MALRD1: variants seen among roughly 807,000 people sequenced by gnomAD.
MALRD1 encodes MAM and LDL receptor class A domain containing 1.
MALRD1 carries 247 observed loss-of-function variants against 242.1 expected under a neutral mutation model. The observed-to-expected ratio is 1.02, with a 90% CI of 0.92 to 1.13. MALRD1 has a LOEUF of 1.13. MALRD1 is among the 50% of genes most tolerant of loss of function. The pLI is 0.00. For synonymous variants in MALRD1, 995 were observed against 866.6 expected (o/e 1.15, Z -2.60); for missense variants, 2,989 against 2,533.1 (o/e 1.18, Z -3.86).
At chr10:19,453,730 G>T (rs1241288412) in intron 29 of MALRD1, among the ~76,000 whole-genome samples, 1 of 151,998 alleles carries the variant, frequency 6.6e-6, no homozygotes, top group Non-Finnish European at 1.5e-5. Context: ...AGAAAAATTA[G>T]CTGGGCGTTG....
intron 11 of MALRD1, among the ~76,000 whole-genome samples, chr10:19,153,494 T>C (rs1337908885): frequency 2.0e-5 from 3 of 152,076 alleles, no homozygotes; most frequent in South Asian, 4.1e-4. Context: ...GGCAGGAGGA[T>C]TGCTTGAGGC....
intron 33 of MALRD1, among the ~76,000 whole-genome samples, chr10:19,590,309 A>G (rs1009314204): frequency 2.0e-5 from 3 of 147,560 alleles, no homozygotes; most frequent in Non-Finnish European, 4.5e-5. Context: ...TATATATGTT[A>G]TATATGTATA....
intron 8 of MALRD1, among the ~76,000 whole-genome samples, chr10:19,129,776 TTTA>T (rs1257312109): frequency 6.7e-6 from 1 of 148,428 alleles, no homozygotes; most frequent in East Asian, 1.9e-4. Flanking sequence ...AAATAATATA[TTTA>T]TTATTTTATG....
At chr10:19,116,147 C>A (rs1233861876) in intron 5 of MALRD1, among the ~76,000 whole-genome samples, 1 of 151,954 alleles carries the variant, frequency 6.6e-6, no homozygotes, top group African/African-American at 2.4e-5. Context: ...AAAAATCAAG[C>A]CTTGCTATTG....
chr10:19,363,573 A>G (rs1844987934), intron 26 of MALRD1, among the ~76,000 whole-genome samples: 1 of 152,162 alleles, frequency 6.6e-6, no homozygotes. Context: ...TCCCTTGTCT[A>G]ATGACAAAAC....
chr10:19,548,567 T>G (rs1165340114), intron 32 of MALRD1, among the ~76,000 whole-genome samples: 1 of 152,194 alleles, frequency 6.6e-6, no homozygotes, highest in Non-Finnish European at 1.5e-5. Flanking sequence ...GTGCCCGGCC[T>G]CATTATATTT....
intron 38 of MALRD1, among the ~76,000 whole-genome samples, chr10:19,721,004 A>AG (rs200079888): frequency 0.023 from 3,430 of 152,140 alleles, 120 homozygotes; most frequent in African/African-American, 0.077. Flanking sequence ...CTATTTCCTT[A>AG]GGTTATAAAG....
At chr10:19,530,365 A>AT (rs1564417000) in intron 31 of MALRD1, among the ~76,000 whole-genome samples, 9 of 105,088 alleles carry the variant, frequency 8.6e-5, no homozygotes, top group African/African-American at 5.7e-4. Context: ...ATATTTATAT[A>AT]AATATTTATA....
At chr10:19,121,243 G>T (rs778292033) in intron 5 of MALRD1, among the ~76,000 whole-genome samples, 26 of 151,676 alleles carry the variant, frequency 1.7e-4, no homozygotes, top group Non-Finnish European at 2.1e-4. Flanking sequence ...GTTTCACCAT[G>T]TTGGCCAGGC....
intron 26 of MALRD1, among the ~76,000 whole-genome samples, chr10:19,383,465 G>A (rs908510117): frequency 1.3e-5 from 2 of 151,894 alleles, no homozygotes; most frequent in African/African-American, 2.4e-5. Context: ...TGGGCATATG[G>A]GTCATTCCAT....
intron 29 of MALRD1, among the ~76,000 whole-genome samples, chr10:19,471,825 G>A (rs1364866298): frequency 6.6e-6 from 1 of 151,360 alleles, no homozygotes; most frequent in South Asian, 2.1e-4. Context: ...TTTTCTTTGT[G>A]GATTCTTCAG....
intron 19 of MALRD1, among the ~76,000 whole-genome samples, chr10:19,273,790 TTGC>T (rs1208520450): frequency 6.6e-6 from 1 of 152,158 alleles, no homozygotes; most frequent in African/African-American, 2.4e-5. Flanking sequence ...GATACTGTAA[TTGC>T]TGATCTAAGT....
chr10:19,433,176 T>A (rs1834214182), intron 28 of MALRD1, among the ~76,000 whole-genome samples: 1 of 152,156 alleles, frequency 6.6e-6, no homozygotes, highest in South Asian at 2.1e-4. Flanking sequence ...TATATAAGTA[T>A]AGTAAGTGCT....
At chr10:19,538,196 C>A (rs1199959187) in intron 32 of MALRD1, among the ~76,000 whole-genome samples, 1 of 152,076 alleles carries the variant, frequency 6.6e-6, no homozygotes, top group African/African-American at 2.4e-5. Context: ...TTTATCTCAG[C>A]CTTCAAAGTA....
At position 19,358,195 on chromosome 10, in the gene MALRD1, AGTGTGTGT is replaced by A. The variant is rs776862926; in HGVS notation, c.4441+5927_4441+5934del. ...ATATATGCAATCAGGGCAGGAGTCA[AGTGTGTGT>A]GTGTGTGTGTGTGTGTGTGTGTGTG... On this transcript the variant is annotated intron_variant, in intron 26 of 39. Coordinates refer to ENST00000454679, the MANE Select transcript of MALRD1 (RefSeq NM_001142308.3). Among the ~76,000 whole-genome samples, 1,057 of 145,672 alleles carry A rather than the reference AGTGTGTGT, an allele frequency of 7.3e-3. 23 individuals carry two copies. The highest frequency in any genetic ancestry group is 0.026 in the African/African-American group (1,012 of 38,488).
At chr10:19,084,418 A>AT (rs951216486) in intron 2 of MALRD1, among the ~76,000 whole-genome samples, 14 of 150,922 alleles carry the variant, frequency 9.3e-5, no homozygotes, top group African/African-American at 1.9e-4. Flanking sequence ...CTACAGCCTG[A>AT]TTTTTTTTTA....
intron 14 of MALRD1, among the ~76,000 whole-genome samples, chr10:19,195,640 A>G (rs995459549): frequency 2.6e-5 from 4 of 152,154 alleles, no homozygotes; most frequent in Non-Finnish European, 5.9e-5. Flanking sequence ...TGACAACACC[A>G]TTCTTCAGTT....
intron 28 of MALRD1, among the ~76,000 whole-genome samples, chr10:19,403,029 C>T (rs1203903358): frequency 6.6e-6 from 1 of 151,966 alleles, no homozygotes; most frequent in Admixed American, 6.6e-5. Context: ...ATTTATAGTG[C>T]TTAAAGAAGC....
chr10:19,567,811 T>A, intron 33 of MALRD1, 108 bp downstream of exon 33: 1 of 957,206 alleles, frequency 1.0e-6, no homozygotes. Flanking sequence ...GGTCCAGTTC[T>A]ATTTACACAT....
Sources: gnomAD v4.1 joint callset for allele counts (sites outside exome capture counted in the v4.1 genomes callset) on GRCh38, gnomAD v4.1.1 for gene constraint, MANE v1.5 for transcripts, NCBI Gene and HGNC (gene_info 2026-07-23, HGNC 2026-07-21) for gene names.